The following COL19A1 variants were observed in gnomAD, a reference collection of about 807,000 sequenced individuals.
COL19A1 encodes the protein collagen alpha-1(XIX) chain.
COL19A1 carries 159 observed loss-of-function variants against 190.2 expected under a neutral mutation model. The ratio of observed to expected loss-of-function variants is 0.84; its 90% CI spans 0.73 to 0.95. The LOEUF is 0.95. Among genes scored for constraint, COL19A1 ranks in the 40% least tolerant of loss-of-function variants. COL19A1 has a pLI of 0.00. For synonymous variants in COL19A1, 509 were observed against 458.9 expected (o/e 1.11, Z -1.39); for missense variants, 1,418 against 1,431.9 (o/e 0.99, Z 0.16).
At chr6:69,940,409 G>A (rs796175897) in intron 9 of COL19A1, among the ~76,000 whole-genome samples, 1 of 152,022 alleles carries the variant, frequency 6.6e-6, no homozygotes, top group African/African-American at 2.4e-5. Context: ...ACAATCTTGT[G>A]ACAGTTTGTT....
At chr6:70,028,143 A>G (rs188297149) in intron 12 of COL19A1, among the ~76,000 whole-genome samples, 14 of 152,312 alleles carry the variant, frequency 9.2e-5, no homozygotes, top group African/African-American at 2.9e-4. Flanking sequence ...TAACAGGAGA[A>G]AAGGCATACA....
chr6:69,975,342 A>T (rs115125604), intron 11 of COL19A1, among the ~76,000 whole-genome samples: 1,947 of 152,264 alleles, frequency 0.013, 44 homozygotes, highest in African/African-American at 0.038. Context: ...GCAGTCATTC[A>T]TATAGGCAGT....
intron 7 of COL19A1, among the ~76,000 whole-genome samples, chr6:69,934,778 G>A (rs1355555759): frequency 1.3e-5 from 2 of 151,900 alleles, no homozygotes; most frequent in Non-Finnish European, 2.9e-5. Flanking sequence ...TTCATTTAAT[G>A]ACTAACAAAA....
At chr6:69,940,603 A>C in intron 9 of COL19A1, among the ~76,000 whole-genome samples, 1 of 152,340 alleles carries the variant, frequency 6.6e-6, no homozygotes, top group Non-Finnish European at 1.5e-5. Flanking sequence ...AAGAATATTA[A>C]CATTTGTTTT....
intron 15 of COL19A1, among the ~76,000 whole-genome samples, chr6:70,077,945 C>T (rs755761107): frequency 6.6e-6 from 1 of 152,160 alleles, no homozygotes; most frequent in Non-Finnish European, 1.5e-5. Context: ...TATTGAAGGC[C>T]GTTGCTTCAC....
intron 2 of COL19A1, among the ~76,000 whole-genome samples, chr6:69,885,530 T>G (rs1768863876): frequency 2.0e-5 from 3 of 152,196 alleles, no homozygotes; most frequent in African/African-American, 4.8e-5. Flanking sequence ...CAATACAATT[T>G]TATTGTATTT....
At chr6:70,086,005 G>A (rs1167448553) in intron 15 of COL19A1, among the ~76,000 whole-genome samples, 1 of 152,046 alleles carries the variant, frequency 6.6e-6, no homozygotes, top group African/African-American at 2.4e-5. Context: ...TTCTATCAGA[G>A]AAAAATAAAA....
At chr6:69,902,362 T>C (rs1214186251) in intron 4 of COL19A1, among the ~76,000 whole-genome samples, 2 of 152,180 alleles carry the variant, frequency 1.3e-5, no homozygotes, top group Non-Finnish European at 2.9e-5. Context: ...TGTTCTGGCA[T>C]ATCCCAGGTG....
In COL19A1 at chr6:69,960,057, T is replaced by C; in HGVS notation, c.981+17T>C. The C allele has an allele frequency of 6.2e-7, 1 of 1,605,112 alleles. No homozygotes were observed. The highest frequency in any genetic ancestry group is 8.5e-7 in the Non-Finnish European group (1 of 1,176,338). ...GGTCAAAAGGTAAAGAGTTCTTGAATGTTTCATCTGAGTTAAGAATTTTAA... is the reference window on the plus strand; with the variant it reads ...GGTCAAAAGGTAAAGAGTTCTTGAACGTTTCATCTGAGTTAAGAATTTTAA... On this transcript the variant is annotated intron_variant, in intron 10 of 50. Coordinates refer to ENST00000620364, the MANE Select transcript of COL19A1 (RefSeq NM_001858.6).
intron 7 of COL19A1, among the ~76,000 whole-genome samples, chr6:69,936,035 A>G (rs1484994108): frequency 1.3e-5 from 2 of 152,092 alleles, no homozygotes; most frequent in African/African-American, 4.8e-5. Flanking sequence ...TCTCTTCGTG[A>G]AATTGCAAAT....
intron 47 of COL19A1, 124 bp downstream of exon 47, chr6:70,188,369 C>A: frequency 8.9e-7 from 1 of 1,123,024 alleles, no homozygotes; most frequent in Non-Finnish European, 1.2e-6. Context: ...CCCGTGAGGG[C>A]AATAATAGCT....
chr6:70,075,490 C>A (rs17711463), intron 15 of COL19A1, among the ~76,000 whole-genome samples: 43,984 of 152,024 alleles, frequency 0.29, 8,042 homozygotes, highest in Non-Finnish European at 0.41. Context: ...AGTTGTGCAG[C>A]GAGGATAGTC....
At chr6:69,985,421 C>A (rs1230242495) in intron 11 of COL19A1, among the ~76,000 whole-genome samples, 1 of 152,006 alleles carries the variant, frequency 6.6e-6, no homozygotes, top group African/African-American at 2.4e-5. Flanking sequence ...GCAACATTAG[C>A]AAAGGGGGTG....
At position 69,898,973 on chromosome 6, in the gene COL19A1, A is replaced by G; in HGVS notation, c.117A>G (p.Ile39Met). ...AAGAGTCATGCCCTATCCTGAGAATAGAGGGACATCAGCTGACATATGACA... is the reference window on the plus strand; with the variant it reads ...AAGAGTCATGCCCTATCCTGAGAATGGAGGGACATCAGCTGACATATGACA... Reference protein sequence around the residue: ...KTEESCPILRIEGHQLTYDNI... With the variant: ...KTEESCPILRMEGHQLTYDNI... The change falls in exon 3 of 51, where the codon ATA (isoleucine) becomes ATG (methionine). Residue 39 changes from isoleucine (I) to methionine (M), a missense_variant. Transcript: ENST00000620364. The G allele has an allele frequency of 6.2e-7, 1 of 1,612,078 alleles. No homozygotes were observed. The highest frequency in any genetic ancestry group is 8.5e-7 in the Non-Finnish European group (1 of 1,178,454).
chr6:70,041,891 C>T (rs949184997), intron 14 of COL19A1, among the ~76,000 whole-genome samples: 18 of 151,078 alleles, frequency 1.2e-4, no homozygotes, highest in African/African-American at 4.4e-4. Flanking sequence ...ATCTCTACTA[C>T]AAATAAAAAA....
At chr6:69,907,545 G>A (rs1270445793) in intron 4 of COL19A1, among the ~76,000 whole-genome samples, 1 of 152,032 alleles carries the variant, frequency 6.6e-6, no homozygotes, top group Admixed American at 6.6e-5. Flanking sequence ...CATATTTAGG[G>A]ATCTTGATAT....
At chr6:69,930,468 T>C (rs1772684284) in intron 6 of COL19A1, among the ~76,000 whole-genome samples, 1 of 152,150 alleles carries the variant, frequency 6.6e-6, no homozygotes. Flanking sequence ...TGGACCTCAA[T>C]CTAAGAAGAT....
intron 1 of COL19A1, among the ~76,000 whole-genome samples, chr6:69,869,232 C>G (rs1400139163): frequency 1.3e-5 from 2 of 152,108 alleles, no homozygotes; most frequent in African/African-American, 4.8e-5. Flanking sequence ...CCTGGTAAGA[C>G]AGAAAATCCA....
chr6:69,911,335 C>T (rs865889953), intron 4 of COL19A1, among the ~76,000 whole-genome samples: 1 of 152,182 alleles, frequency 6.6e-6, no homozygotes, highest in African/African-American at 2.4e-5. Context: ...AAGTTTCCTA[C>T]ATCTTGTTCA....
Sources: allele counts gnomAD v4.1 joint callset (sites outside exome capture counted in the v4.1 genomes callset), GRCh38; gene constraint gnomAD v4.1.1; transcripts MANE v1.5; gene names NCBI Gene and HGNC (gene_info 2026-07-23, HGNC 2026-07-21).